Variants in KIAA0825 observed in about 807,000 individuals in gnomAD.
KIAA0825 encodes the protein KIAA0825.
A neutral mutation model predicts 147.6 loss-of-function variants in KIAA0825; 119 were observed. The ratio of observed to expected loss-of-function variants is 0.81; its 90% CI spans 0.69 to 0.94. The LOEUF (loss-of-function observed/expected upper bound fraction) is 0.94, where lower values mean the gene tolerates loss of function less well. Among genes scored for constraint, KIAA0825 ranks in the 40% least tolerant of loss-of-function variants. The pLI is 0.00. For missense variants in KIAA0825, 1,381 were observed against 1,472.7 expected (o/e 0.94, Z 1.02); for synonymous variants, 470 against 518.1 (o/e 0.91, Z 1.26).
chr5:94,234,229 G>A (rs1774905158), intron 20 of KIAA0825, among the ~76,000 whole-genome samples: 1 of 151,938 alleles, frequency 6.6e-6, no homozygotes, highest in Non-Finnish European at 1.5e-5. Flanking sequence ...AAATTAGCCG[G>A]GCGTGGTGGC....
intron 14 of KIAA0825, among the ~76,000 whole-genome samples, chr5:94,422,378 T>G (rs906400973): frequency 2.6e-5 from 4 of 152,164 alleles, no homozygotes; most frequent in Non-Finnish European, 5.9e-5. Flanking sequence ...TTATACTCCC[T>G]TAGTCCAATT....
intron 20 of KIAA0825, among the ~76,000 whole-genome samples, chr5:94,293,612 A>G (rs1778001038): frequency 6.6e-6 from 1 of 152,210 alleles, no homozygotes; most frequent in African/African-American, 2.4e-5. Flanking sequence ...AGAGTTCTGT[A>G]GATGTCTATT....
chr5:94,356,434 C>G (rs1784260973), intron 20 of KIAA0825, among the ~76,000 whole-genome samples: 1 of 151,170 alleles, frequency 6.6e-6, no homozygotes, highest in Admixed American at 6.6e-5. Context: ...GGTGAAACCC[C>G]GTCTCTACTA....
At chr5:94,214,517 T>C (rs988253884) in intron 20 of KIAA0825, among the ~76,000 whole-genome samples, 1 of 152,132 alleles carries the variant, frequency 6.6e-6, no homozygotes, top group Non-Finnish European at 1.5e-5. Flanking sequence ...CGACTGACTT[T>C]AGTTGCTCTG....
rs1208210823 is a variant in KIAA0825 at position 94,386,258 on chromosome 5, G to A, written c.3603C>T (p.Asn1201=). 7.1e-6 allele frequency: 11 copies of A among 1,549,216 alleles called. No homozygotes were observed. The highest frequency in any genetic ancestry group is 6.0e-5 in the Admixed American group (3 of 50,366). The change falls in exon 19 of 21, where the codon AAC becomes AAT. Residue 1201 remains asparagine (N), a synonymous_variant. Coordinates refer to ENST00000682413, the MANE Select transcript of KIAA0825 (RefSeq NM_001145678.3). ...AATTTCCACATACCTGATCTAGCAT[G>A]TTTTCACTAAACGCCTTATACACAT... is the stretch of plus-strand genomic sequence containing the variant. ...PFHVYKAFSE[N]MLDQVSITKW...
intron 13 of KIAA0825, among the ~76,000 whole-genome samples, chr5:94,449,553 C>A (rs948237772): frequency 3.3e-5 from 5 of 152,044 alleles, no homozygotes; most frequent in African/African-American, 1.2e-4. Context: ...AGAAAAGACT[C>A]CCTGCATGAA....
chr5:94,428,143 T>C (rs1045871120), intron 14 of KIAA0825, among the ~76,000 whole-genome samples: 1 of 134,498 alleles, frequency 7.4e-6, no homozygotes, highest in African/African-American at 2.8e-5. Context: ...TAAGGTCTTG[T>C]TGTGTGTGTG....
chr5:94,198,280 A>T (rs1771329010), intron 20 of KIAA0825, among the ~76,000 whole-genome samples: 1 of 152,056 alleles, frequency 6.6e-6, no homozygotes, highest in Admixed American at 6.6e-5. Context: ...AGTGTTTAGA[A>T]ATGCTACTGA....
chr5:94,411,122 A>T (rs1369435715), intron 15 of KIAA0825, among the ~76,000 whole-genome samples: 1 of 152,190 alleles, frequency 6.6e-6, no homozygotes, highest in African/African-American at 2.4e-5. Flanking sequence ...CTTATATCAG[A>T]TGCAAAGTGG....
At chr5:94,591,378 TTTAA>T (rs1371522667) in intron 1 of KIAA0825, among the ~76,000 whole-genome samples, 2 of 152,230 alleles carry the variant, frequency 1.3e-5, no homozygotes, top group Non-Finnish European at 2.9e-5. Flanking sequence ...TTTCTTTGTC[TTTAA>T]TTAAAGATCT....
chr5:94,518,181 C>T (rs762000394), intron 5 of KIAA0825, among the ~76,000 whole-genome samples: 17 of 152,092 alleles, frequency 1.1e-4, no homozygotes, highest in Non-Finnish European at 1.5e-4. Context: ...GAGCCATTGT[C>T]GGTCATCTCA....
At chr5:94,213,616 C>A (rs1000466425) in intron 20 of KIAA0825, among the ~76,000 whole-genome samples, 3 of 152,200 alleles carry the variant, frequency 2.0e-5, no homozygotes, top group African/African-American at 7.2e-5. Flanking sequence ...CTTAGCCCTT[C>A]GACTTTGACT....
chr5:94,581,899 T>C (rs1277187256), intron 2 of KIAA0825, among the ~76,000 whole-genome samples: 1 of 152,210 alleles, frequency 6.6e-6, no homozygotes, highest in African/African-American at 2.4e-5. Flanking sequence ...ATTATTCGTC[T>C]TTTCCCTTTT....
intron 2 of KIAA0825, among the ~76,000 whole-genome samples, chr5:94,557,359 T>C (rs1358994457): frequency 6.6e-6 from 1 of 152,062 alleles, no homozygotes; most frequent in Non-Finnish European, 1.5e-5. Context: ...TGACTCAGCC[T>C]TCAAGGTACT....
At chr5:94,230,579 T>C (rs900925097) in intron 20 of KIAA0825, among the ~76,000 whole-genome samples, 2 of 152,344 alleles carry the variant, frequency 1.3e-5, no homozygotes, top group Non-Finnish European at 2.9e-5. Context: ...ATTCATTTTG[T>C]CTTCATGGGT....
chr5:94,320,605 T>G (rs1780078112), intron 20 of KIAA0825, among the ~76,000 whole-genome samples: 1 of 151,902 alleles, frequency 6.6e-6, no homozygotes, highest in Admixed American at 6.6e-5. Context: ...TTGTCTGCTC[T>G]CCATAGAATG....
chr5:94,409,699 A>C (rs1752509013), intron 15 of KIAA0825, among the ~76,000 whole-genome samples: 2 of 152,212 alleles, frequency 1.3e-5, no homozygotes, highest in African/African-American at 4.8e-5. Context: ...AGTTCAGACC[A>C]GAGTGGCAAG....
chr5:94,229,235 G>A (rs1395538912), intron 20 of KIAA0825, among the ~76,000 whole-genome samples: 1 of 152,126 alleles, frequency 6.6e-6, no homozygotes, highest in African/African-American at 2.4e-5. Flanking sequence ...TTGAATCCTT[G>A]TATGTGTGAA....
chr5:94,272,155 G>A (rs1316493928), intron 20 of KIAA0825, among the ~76,000 whole-genome samples: 2 of 146,246 alleles, frequency 1.4e-5, no homozygotes, highest in Admixed American at 1.4e-4. Flanking sequence ...AACTCATGGA[G>A]ATAGAGTAGA....
Sources: allele counts gnomAD v4.1 joint callset (sites outside exome capture counted in the v4.1 genomes callset), GRCh38; gene constraint gnomAD v4.1.1; transcripts MANE v1.5; gene names NCBI Gene and HGNC (gene_info 2026-07-23, HGNC 2026-07-21).